The following CDH12 variants were observed in gnomAD, a reference collection of about 807,000 sequenced individuals.
CDH12 encodes the protein cadherin 12, also known as cadherin-12.
A neutral mutation model predicts 74.1 loss-of-function variants in CDH12; 41 were observed. The ratio of observed to expected loss-of-function variants is 0.55; its 90% CI spans 0.43 to 0.72. The LOEUF is 0.72. Ranked by LOEUF, CDH12 falls within the 30% of genes least tolerant of loss-of-function variation. The pLI is 0.00. For missense variants in CDH12, 945 were observed against 977.2 expected (o/e 0.97, Z 0.44); for synonymous variants, 399 against 355.0 (o/e 1.12, Z -1.39).
chr5:21,839,765 T>C (rs1157826969), intron 8 of CDH12, among the ~76,000 whole-genome samples: 1 of 152,188 alleles, frequency 6.6e-6, no homozygotes, highest in Non-Finnish European at 1.5e-5. Context: ...TGACTGTTTA[T>C]GCAAATGACT....
At chr5:22,131,503 T>A (rs889467699) in intron 4 of CDH12, among the ~76,000 whole-genome samples, 12 of 152,140 alleles carry the variant, frequency 7.9e-5, no homozygotes, top group Non-Finnish European at 1.3e-4. Flanking sequence ...TCTTAGAGTT[T>A]TAGAACTGGA....
chr5:21,925,151 G>C (rs1270300377), intron 6 of CDH12, among the ~76,000 whole-genome samples: 1 of 152,186 alleles, frequency 6.6e-6, no homozygotes, highest in Non-Finnish European at 1.5e-5. Context: ...CCTGAGGCTA[G>C]ATCCACATTG....
chr5:22,318,879 G>A (rs62351660), intron 3 of CDH12, among the ~76,000 whole-genome samples: 1 of 151,860 alleles, frequency 6.6e-6, no homozygotes, highest in Non-Finnish European at 1.5e-5. Context: ...CTGTCTGGTA[G>A]GGGAAAAAAA....
intron 1 of CDH12, among the ~76,000 whole-genome samples, chr5:22,565,240 T>G (rs1252525722): frequency 6.6e-6 from 1 of 152,184 alleles, no homozygotes; most frequent in Non-Finnish European, 1.5e-5. Flanking sequence ...GGCTTTGATT[T>G]CCTTTCTTTT....
At chr5:22,631,691 G>C (rs577017134) in intron 1 of CDH12, among the ~76,000 whole-genome samples, 3 of 152,130 alleles carry the variant, frequency 2.0e-5, no homozygotes, top group Non-Finnish European at 4.4e-5. Flanking sequence ...TCATTGTTCT[G>C]CAGGCTGTAT....
intron 1 of CDH12, among the ~76,000 whole-genome samples, chr5:22,783,043 AT>A (rs1359630405): frequency 7.2e-5 from 11 of 152,218 alleles, no homozygotes; most frequent in South Asian, 2.1e-4. Context: ...ATTGCTTTAT[AT>A]AAATTAAGGA....
intron 3 of CDH12, among the ~76,000 whole-genome samples, chr5:22,326,460 C>A (rs946814400): frequency 2.0e-4 from 30 of 152,292 alleles, no homozygotes; most frequent in African/African-American, 7.2e-4. Context: ...TGGTCTTGAT[C>A]TCCTGACCTC....
intron 3 of CDH12, among the ~76,000 whole-genome samples, chr5:22,277,460 C>A (rs1736683273): frequency 6.6e-6 from 1 of 152,030 alleles, no homozygotes; most frequent in Non-Finnish European, 1.5e-5. Context: ...TCACTCTGCC[C>A]AGAGATATCT....
intron 11 of CDH12, among the ~76,000 whole-genome samples, chr5:21,770,341 C>T (rs759580436): frequency 1.3e-5 from 2 of 151,982 alleles, no homozygotes; most frequent in Non-Finnish European, 2.9e-5. Context: ...AGTTAAAATT[C>T]GGCCAGGCAT....
At chr5:21,760,712 T>C in intron 12 of CDH12, 37 bp from the exon 13 acceptor site, 4 of 1,225,518 alleles carry the variant, frequency 3.3e-6, no homozygotes, top group Non-Finnish European at 4.8e-6. Flanking sequence ...GTCATCAGTT[T>C]CAAAGAGGAC....
rs181328775 is a variant in CDH12 at position 21,990,598 on chromosome 5, C to T, written c.232-15213G>A. ...CAATATTCCTTTCTATTTATATTAA[C>T]TTATATAAATGTGCATGAGAAAACT... On this transcript the variant is annotated intron_variant, in intron 5 of 14. Transcript: ENST00000382254. Among the ~76,000 whole-genome samples, 399 of 152,056 alleles carry T rather than the reference C, an allele frequency of 2.6e-3. 2 individuals carry two copies. The highest frequency in any genetic ancestry group is 9.2e-3 in the African/African-American group (383 of 41,506).
intron 2 of CDH12, among the ~76,000 whole-genome samples, 165 bp from the exon 3 acceptor site, chr5:22,405,516 A>G (rs922156614): frequency 3.3e-5 from 5 of 152,202 alleles, no homozygotes; most frequent in African/African-American, 1.2e-4. Flanking sequence ...TCTAAACAAA[A>G]TTCTATCAGG....
chr5:22,501,838 A>C (rs2126657158), intron 2 of CDH12, among the ~76,000 whole-genome samples: 1 of 151,962 alleles, frequency 6.6e-6, no homozygotes, highest in Admixed American at 6.6e-5. Context: ...GAAAGACTCA[A>C]ATCCACTCCT....
chr5:22,696,642 C>A (rs962188586), intron 1 of CDH12, among the ~76,000 whole-genome samples: 12 of 152,064 alleles, frequency 7.9e-5, no homozygotes, highest in Non-Finnish European at 1.6e-4. Flanking sequence ...CCATAGGTAG[C>A]TTAACATATT....
intron 5 of CDH12, among the ~76,000 whole-genome samples, chr5:22,034,749 C>T (rs1430358142): frequency 1.3e-5 from 2 of 151,954 alleles, no homozygotes; most frequent in Non-Finnish European, 2.9e-5. Flanking sequence ...ATTCAATTGC[C>T]AATTATCGAA....
intron 5 of CDH12, among the ~76,000 whole-genome samples, chr5:22,041,715 G>A (rs1739582696): frequency 6.6e-6 from 1 of 152,026 alleles, no homozygotes; most frequent in Non-Finnish European, 1.5e-5. Flanking sequence ...AATATTAAAG[G>A]CCTTCAATAC....
At chr5:22,779,560 C>T (rs1747280828) in intron 1 of CDH12, among the ~76,000 whole-genome samples, 1 of 152,128 alleles carries the variant, frequency 6.6e-6, no homozygotes, top group Non-Finnish European at 1.5e-5. Flanking sequence ...GAAATTTAAT[C>T]CCCATAATCC....
chr5:22,634,024 T>C (rs1006116807), intron 1 of CDH12, among the ~76,000 whole-genome samples: 3 of 152,018 alleles, frequency 2.0e-5, no homozygotes, highest in Non-Finnish European at 4.4e-5. Context: ...TGAAATGAAG[T>C]TTACAAGATT....
chr5:22,580,494 G>A, intron 1 of CDH12: 1 of 477,970 alleles, frequency 2.1e-6, no homozygotes, highest in Non-Finnish European at 4.3e-6. Context: ...CTTATGGCTT[G>A]TAGAGAGTGA....
Sources: allele counts gnomAD v4.1 joint callset (sites outside exome capture counted in the v4.1 genomes callset), GRCh38; gene constraint gnomAD v4.1.1; transcripts MANE v1.5; gene names NCBI Gene and HGNC (gene_info 2026-07-23, HGNC 2026-07-21).